CIC: variants seen among roughly 807,000 people sequenced by gnomAD.
CIC encodes the protein protein capicua homolog.
Under a neutral mutation model 115.7 loss-of-function variants are expected in CIC, and 18 were observed. The observed-to-expected ratio is 0.16, with a 90% CI of 0.11 to 0.23. The LOEUF (loss-of-function observed/expected upper bound fraction) is 0.23, where lower values mean the gene tolerates loss of function less well. Among genes scored for constraint, CIC ranks in the 10% least tolerant of loss-of-function variants. CIC has a pLI of 1.00. For missense variants in CIC, 2,000 were observed against 2,159.3 expected (o/e 0.93, Z 1.46); for synonymous variants, 1,076 against 923.0 (o/e 1.17, Z -3.01).
chr19:42,285,081 CCTG>C (rs1164993834), intron 2 of CIC, among the ~76,000 whole-genome samples: 1 of 152,048 alleles, frequency 6.6e-6, no homozygotes, highest in African/African-American at 2.4e-5. Flanking sequence ...CAGCACGAGA[CCTG>C]CTGGTCCTAG....
chr19:42,283,767 C>A (rs936730904), intron 2 of CIC, among the ~76,000 whole-genome samples: 3 of 152,098 alleles, frequency 2.0e-5, no homozygotes, highest in South Asian at 4.1e-4. Flanking sequence ...GAACCGCCCC[C>A]CTGGCTCGGT....
intron 2 of CIC, chr19:42,284,728 G>C (rs992310044): frequency 6.4e-7 from 1 of 1,556,322 alleles, no homozygotes; most frequent in African/African-American, 1.4e-5. Context: ...ACAGGCCCCT[G>C]ATGCCCGCGT....
At position 42,290,456 on chromosome 19, in the gene CIC, G is replaced by T; in HGVS notation, c.4415G>T (p.Gly1472Val). 6.2e-7 allele frequency: 1 copy of T among 1,614,046 alleles called. No individual in the cohort carries two copies. The highest frequency in any genetic ancestry group is 8.5e-7 in the Non-Finnish European group (1 of 1,179,966). Residue 1472 changes from glycine to valine, a missense_variant, in exon 11 of 21, where the codon GGT becomes GTT. Gly to Val is a moderately radical substitution (Grantham distance 109). Coordinates refer to ENST00000681038, the MANE Select transcript of CIC (RefSeq NM_001386298.1). ...GGAACCTTCAAGGCCCAGGAGTCTGGTCAGGGCAGCACAGCGGGCCCCCTA... is the reference window on the plus strand; with the variant it reads ...GGAACCTTCAAGGCCCAGGAGTCTGTTCAGGGCAGCACAGCGGGCCCCCTA... ...GSGTFKAQES[G>V]QGSTAGPLRP... is the part of the protein sequence containing the mutation.
At chr19:42,269,028 A>C (rs989931132), upstream of CIC, among the ~76,000 whole-genome samples, 2 of 152,128 alleles carry the variant, frequency 1.3e-5, no homozygotes, top group Non-Finnish European at 2.9e-5. Flanking sequence ...CAGATCAGGC[A>C]GTCGTAGGCT....
In CIC at chr19:42,290,742, G is replaced by A. The variant is rs750975008; in HGVS notation, c.4701G>A (p.Gly1567=). 3.1e-6 allele frequency: 5 copies of A among 1,612,538 alleles called. No homozygotes were observed. The highest frequency in any genetic ancestry group is 4.2e-6 in the Non-Finnish European group (5 of 1,179,750). ...CCCCCGCCCCATCACTGGCCTATGG[G>A]GCCCCAGCAGCTCCCCTGTCCCGTC... The part of the protein sequence containing the change: ...PSAPAPSLAY[G]APAAPLSRPA... The change falls in exon 11 of 21, where the codon GGG becomes GGA. Residue 1567 remains glycine, a synonymous_variant. Coordinates refer to ENST00000681038, the MANE Select transcript of CIC (RefSeq NM_001386298.1).
intron 2 of CIC, among the ~76,000 whole-genome samples, chr19:42,282,878 G>C (rs2037325575): frequency 7.2e-6 from 1 of 139,514 alleles, no homozygotes; most frequent in African/African-American, 2.7e-5. Context: ...CTTTTTTTCT[G>C]GGAGGGGGGG....
rs1390626282 is a variant in CIC, at chr19:42,286,914, A to G, written c.2938A>G (p.Ser980Gly). The G allele has an allele frequency of 1.2e-6, 2 of 1,610,782 alleles. No individual in the cohort carries two copies. The highest frequency in any genetic ancestry group is 1.7e-6 in the Non-Finnish European group (2 of 1,179,532). ...PASHPVASNQ[S>G]KEPAESAAVA... ...CAGCCACCCAGTGGCCTCCAACCAG[A>G]GCAAAGGTGAGGGCTGGTGGGGACT... The change falls in exon 3 of 21, where the codon AGC (serine) becomes GGC (glycine). Residue 980 changes from serine (S) to glycine (G), a missense_variant. Around this residue, in one of 8 missense-constraint regions of CIC, gnomAD observed 222 missense variants for 247.7 expected, o/e 0.90. Transcript: ENST00000681038.
At chr19:42,286,223 C>G (rs940781685) in intron 2 of CIC, among the ~76,000 whole-genome samples, 37 of 152,100 alleles carry the variant, frequency 2.4e-4, no homozygotes, top group African/African-American at 8.7e-4. Flanking sequence ...CAGGACCTCT[C>G]CCACACCACA....
intron 1 of CIC, among the ~76,000 whole-genome samples, chr19:42,271,072 G>C (rs2036768493): frequency 6.6e-6 from 1 of 151,144 alleles, no homozygotes; most frequent in Non-Finnish European, 1.5e-5. Flanking sequence ...CAGAGGGGCA[G>C]AGGGAGGGTG....
rs371567884 is a variant in CIC, at chr19:42,285,423, G to C, written c.2795-1348G>C. 2.0e-5 allele frequency among the ~76,000 whole-genome samples: 3 copies of C among 152,290 alleles called. No homozygotes were observed. The East Asian group carries it at 5.8e-4, about 29-fold the overall frequency. ...TGGAGGGCCCAGCGGGTTTTCAGGG[G>C]TAAGGGACAGGGTCATCGTAGTCTT... On this transcript the variant is annotated intron_variant, in intron 2 of 20. Coordinates refer to ENST00000681038, the MANE Select transcript of CIC (RefSeq NM_001386298.1).
chr19:42,292,834 G>T lies in CIC; in HGVS notation c.6171G>T (p.Pro2057=). The T allele has an allele frequency of 6.2e-7, 1 of 1,613,752 alleles. No individual in the cohort carries two copies. Among genetic ancestry groups the T allele is most frequent in the Non-Finnish European group, 8.5e-7 (1 of 1,180,004 alleles). ...CCCCTGCCACTGCCACCCCAGCCCC[G>T]ACTAGCCCTTTCCCCAGCGCCACAG... ...PPAPATATPA[P]TSPFPSATAG... is the part of the protein sequence containing the mutation. The change falls in exon 15 of 21, where the codon CCG becomes CCT. Residue 2057 remains proline, a synonymous_variant. Transcript: ENST00000681038.
Position 42,290,516 on chromosome 19 carries a change from C to T in CIC, c.4475C>T (p.Thr1492Ile). The T allele has an allele frequency of 6.2e-7, 1 of 1,613,512 alleles. No individual in the cohort carries two copies. Among genetic ancestry groups the T allele is most frequent in the Non-Finnish European group, 8.5e-7 (1 of 1,179,908 alleles). ...CCCCCTGGGGCTGGGGGTCCAGCGACACCTTCCAAGGCAACCCGGTTCCTC... is the reference window on the plus strand; with the variant it reads ...CCCCCTGGGGCTGGGGGTCCAGCGATACCTTCCAAGGCAACCCGGTTCCTC... The part of the protein sequence containing the change: ...PPPPGAGGPA[T>I]PSKATRFLPM... The change falls in exon 11 of 21, where the codon ACA becomes ATA. Residue 1492 changes from threonine to isoleucine, a missense_variant. Physicochemically the swap from Thr to Ile is moderately conservative, Grantham distance 89 (BLOSUM62 -1). This residue lies in a region of CIC where 1,466 missense variants were observed against 1,390.4 expected (regional missense o/e 1.05). Transcript: ENST00000681038.
intron 7 of CIC, 58 bp downstream of exon 7, chr19:42,288,033 T>C (rs895018169): frequency 2.6e-6 from 4 of 1,541,738 alleles, no homozygotes; most frequent in Non-Finnish European, 3.5e-6. Flanking sequence ...AGCCACCAGC[T>C]ACCCCCTTGC....
At chr19:42,285,249 G>A (rs1355618488) in intron 2 of CIC, among the ~76,000 whole-genome samples, 1 of 152,092 alleles carries the variant, frequency 6.6e-6, no homozygotes, top group East Asian at 1.9e-4. Context: ...CACTGGGGAG[G>A]GGTTCAGGAG....
rs993323506 is a variant in CIC at position 42,289,864 on chromosome 19, C to T, written c.4104C>T (p.Gly1368=). 3.7e-6 allele frequency: 6 copies of T among 1,605,858 alleles called. No homozygotes were observed. The highest frequency in any genetic ancestry group is 1.1e-5 in the South Asian group (1 of 89,116). ...CTCCCTCAGCTGACGATGGCTTCGG[C>T]ACCACTGACATTGATCTCAAGTGCA... The part of the protein sequence containing the change: ...DDDVIADDGF[G]TTDIDLKCKE... The change falls in exon 10 of 21, where the codon GGC becomes GGT. Residue 1368 remains glycine, a synonymous_variant. Coordinates refer to ENST00000681038, the MANE Select transcript of CIC (RefSeq NM_001386298.1).
chr19:42,286,743 G>A (rs2147168792), intron 2 of CIC, 28 bp from the exon 3 acceptor site: 2 of 1,613,688 alleles, frequency 1.2e-6, no homozygotes, highest in Non-Finnish European at 1.7e-6. Flanking sequence ...CTCTCCTGCT[G>A]CACAGCTCAC....
In CIC at chr19:42,270,791, T is replaced by C. The variant is rs552005110; in HGVS notation, c.-10-983T>C. 9.9e-5 allele frequency among the ~76,000 whole-genome samples: 15 copies of C among 152,184 alleles called. No homozygotes were observed. Among genetic ancestry groups the C allele is most frequent in the Admixed American group, 3.3e-4 (5 of 15,294 alleles). On this transcript the variant is annotated intron_variant, in intron 1 of 20. Coordinates refer to ENST00000681038, the MANE Select transcript of CIC (RefSeq NM_001386298.1). The surrounding 1 kb of genome is among the most constrained non-coding windows in gnomAD (Gnocchi z 4.1). ...CCCATCCAGTGGGACAGAGAAACCCTGGGGTGTAGCTCTGTGTCCCACTGT... is the reference window on the plus strand; with the variant it reads ...CCCATCCAGTGGGACAGAGAAACCCCGGGGTGTAGCTCTGTGTCCCACTGT...
rs2037484266 is a variant in CIC at position 42,284,646 on chromosome 19, G to A, written c.2795-2125G>A. The A allele has an allele frequency of 5.1e-6, 7 of 1,361,870 alleles. No individual in the cohort carries two copies. In the South Asian group the frequency reaches 8.8e-5, roughly 17 times the overall value. 84.4% of individuals were successfully genotyped at this position (1,361,870 alleles called of 1,614,324 possible). On this transcript the variant is annotated intron_variant, in intron 2 of 20. Transcript: ENST00000681038. ...ACGGCCGAGGAGCGGGCTGCGGGCGGAGCGGCGTCGGCCGCTGAGGAGGTG... is the reference window on the plus strand; with the variant it reads ...ACGGCCGAGGAGCGGGCTGCGGGCGAAGCGGCGTCGGCCGCTGAGGAGGTG...
intron 1 of CIC, among the ~76,000 whole-genome samples, chr19:42,269,856 G>A (rs1467175363): frequency 6.6e-6 from 1 of 152,064 alleles, no homozygotes; most frequent in Non-Finnish European, 1.5e-5. Flanking sequence ...CTGGTGCCAG[G>A]AGGGCTAATG....
Sources: allele counts gnomAD v4.1 joint callset (sites outside exome capture counted in the v4.1 genomes callset), GRCh38; gene constraint gnomAD v4.1.1; regional missense constraint gnomAD v4.1.1; non-coding constraint Gnocchi (gnomAD v3.1); transcripts MANE v1.5; gene names NCBI Gene and HGNC (gene_info 2026-07-23, HGNC 2026-07-21).